BBX: variants seen among roughly 807,000 people sequenced by gnomAD.
The protein encoded by BBX is BBX high mobility group box domain containing.
In BBX, 30 loss-of-function variants were observed where a neutral mutation model predicts 100.2. The ratio of observed to expected loss-of-function variants is 0.30; its 90% CI spans 0.22 to 0.41. BBX has a LOEUF of 0.41. BBX is among the 10% of genes least tolerant of loss of function. The pLI is 1.00. For missense variants in BBX, 1,023 were observed against 1,129.8 expected (o/e 0.91, Z 1.35); for synonymous variants, 376 against 388.1 (o/e 0.97, Z 0.37).
chr3:107,624,740 G>GT (rs1324253074), intron 2 of BBX, among the ~76,000 whole-genome samples: 3 of 152,006 alleles, frequency 2.0e-5, no homozygotes, highest in African/African-American at 7.2e-5. Context: ...ATGATGGTGG[G>GT]TGCCTGTAAT....
At chr3:107,628,096 G>A (rs1334288292) in intron 2 of BBX, among the ~76,000 whole-genome samples, 1 of 151,986 alleles carries the variant, frequency 6.6e-6, no homozygotes, top group Non-Finnish European at 1.5e-5. Flanking sequence ...GGTACCCATG[G>A]CAATCAGTAG....
intron 3 of BBX, among the ~76,000 whole-genome samples, chr3:107,680,350 A>G (rs2059506627): frequency 6.6e-6 from 1 of 152,156 alleles, no homozygotes; most frequent in African/African-American, 2.4e-5. Context: ...CAATATTCCA[A>G]AATCCAAATA....
At chr3:107,764,624 A>G (rs920830980) in intron 10 of BBX, among the ~76,000 whole-genome samples, 35 of 152,232 alleles carry the variant, frequency 2.3e-4, no homozygotes, top group Admixed American at 6.5e-5. Context: ...ATCTCTGGAA[A>G]GTGTCCAGAT....
chr3:107,780,759 A>G (rs1021505913), intron 13 of BBX, among the ~76,000 whole-genome samples: 7 of 152,092 alleles, frequency 4.6e-5, no homozygotes, highest in African/African-American at 1.7e-4. Context: ...GCACCAATAT[A>G]CTAGACTACA....
At chr3:107,727,411 C>A (rs1285577085) in intron 5 of BBX, among the ~76,000 whole-genome samples, 1 of 152,082 alleles carries the variant, frequency 6.6e-6, no homozygotes, top group Non-Finnish European at 1.5e-5. Context: ...ACAGTTGATA[C>A]CTCCTAACAC....
chr3:107,793,031 A>G (rs1476439700), intron 15 of BBX, among the ~76,000 whole-genome samples: 1 of 152,098 alleles, frequency 6.6e-6, no homozygotes, highest in Non-Finnish European at 1.5e-5. Flanking sequence ...GTTTAACCTC[A>G]CTAGGATTAC....
chr3:107,658,061 C>T (rs913983250), intron 3 of BBX, among the ~76,000 whole-genome samples: 1 of 151,980 alleles, frequency 6.6e-6, no homozygotes, highest in Admixed American at 6.5e-5. Flanking sequence ...GGTGAATAAC[C>T]TTTGGAGAAA....
At chr3:107,626,317 C>A (rs1277393067) in intron 2 of BBX, among the ~76,000 whole-genome samples, 1 of 152,158 alleles carries the variant, frequency 6.6e-6, no homozygotes, top group Non-Finnish European at 1.5e-5. Flanking sequence ...ATATCTGATA[C>A]CTTCCTGGGC....
chr3:107,738,909 A>G (rs960466878), intron 7 of BBX, among the ~76,000 whole-genome samples: 1 of 152,206 alleles, frequency 6.6e-6, no homozygotes, highest in African/African-American at 2.4e-5. Context: ...CAGAGAGGTG[A>G]AATAACTTCT....
At chr3:107,579,206 T>G (rs1343746886) in intron 2 of BBX, among the ~76,000 whole-genome samples, 1 of 152,096 alleles carries the variant, frequency 6.6e-6, no homozygotes, top group East Asian at 1.9e-4. Flanking sequence ...TATTTAGGAG[T>G]TTTTCTTCAA....
At chr3:107,638,937 C>G (rs1407488107) in intron 2 of BBX, among the ~76,000 whole-genome samples, 2 of 151,700 alleles carry the variant, frequency 1.3e-5, no homozygotes, top group Non-Finnish European at 2.9e-5. Flanking sequence ...TTTAGTAAGC[C>G]AAGATTGCAC....
chr3:107,569,142 C>T (rs183454856), intron 2 of BBX, among the ~76,000 whole-genome samples: 56 of 152,262 alleles, frequency 3.7e-4, no homozygotes, highest in Non-Finnish European at 6.3e-4. Flanking sequence ...ATTTTATTCA[C>T]GTGTTATTTC....
At chr3:107,566,893 T>G (rs1175576578) in intron 2 of BBX, among the ~76,000 whole-genome samples, 1 of 152,096 alleles carries the variant, frequency 6.6e-6, no homozygotes, top group East Asian at 1.9e-4. Flanking sequence ...TTTAAACTCT[T>G]TTCTTCTCTG....
At chr3:107,711,318 T>C (rs1273421792) in intron 4 of BBX, 5 of 471,174 alleles carry the variant, frequency 1.1e-5, no homozygotes, top group Non-Finnish European at 1.8e-5. Context: ...CTTGCCTGTC[T>C]CGTCCTTTCC....
Position 107,772,835 on chromosome 3 carries a change from A to T in BBX, c.1114A>T (p.Asn372Tyr). Residue 372 changes from asparagine to tyrosine, a missense_variant, in exon 11 of 18, where the codon AAT (asparagine) becomes TAT (tyrosine). This residue lies in a region of BBX where 348 missense variants were observed against 353.2 expected (regional missense o/e 0.99). Transcript: ENST00000325805. ...ENLRDSKELR[N>Y]FEALQIDDIM... is the part of the protein sequence containing the mutation. ...TTTAAGAGATTCTAAGGAATTGAGA[A>T]ATTTTGAGGCATTGCAAATAGATGA... 1 of 1,613,660 alleles carries T rather than the reference A, an allele frequency of 6.2e-7. No individual in the cohort carries two copies. Among genetic ancestry groups the T allele is most frequent in the Middle Eastern group, 1.7e-4 (1 of 6,060 alleles).
At chr3:107,754,664 A>G (rs1279534352) in intron 9 of BBX, among the ~76,000 whole-genome samples, 1 of 152,186 alleles carries the variant, frequency 6.6e-6, no homozygotes, top group East Asian at 1.9e-4. Context: ...ACCTTTAAGG[A>G]TATAGTCACA....
At chr3:107,697,831 G>T (rs1422302560) in intron 3 of BBX, among the ~76,000 whole-genome samples, 1 of 151,900 alleles carries the variant, frequency 6.6e-6, no homozygotes, top group Non-Finnish European at 1.5e-5. Context: ...TCAGACTGCT[G>T]TGCTAGCAAT....
At chr3:107,707,305 T>C (rs1333871012) in intron 3 of BBX, among the ~76,000 whole-genome samples, 2 of 152,170 alleles carry the variant, frequency 1.3e-5, no homozygotes. Context: ...TTCAATTCCC[T>C]TTGTTTCCCA....
chr3:107,622,412 G>A (rs181407899), intron 2 of BBX, among the ~76,000 whole-genome samples: 3 of 152,250 alleles, frequency 2.0e-5, no homozygotes, highest in Admixed American at 1.3e-4. Context: ...TTTTATGTTA[G>A]CGTAACTTTT....
Sources: gnomAD v4.1 joint callset for allele counts (sites outside exome capture counted in the v4.1 genomes callset) on GRCh38, gnomAD v4.1.1 for gene constraint, gnomAD v4.1.1 regional missense constraint, MANE v1.5 for transcripts, NCBI Gene and HGNC (gene_info 2026-07-23, HGNC 2026-07-21) for gene names.